TIPRL: variants seen among roughly 807,000 people sequenced by gnomAD.
TIPRL encodes TOR signaling pathway regulator, also known as TIP41-like protein.
Under a neutral mutation model 32.3 loss-of-function variants are expected in TIPRL, and 10 were observed. The observed-to-expected ratio is 0.31, with a 90% confidence interval of 0.19 to 0.52. The LOEUF (loss-of-function observed/expected upper bound fraction) is 0.52, where lower values mean the gene tolerates loss of function less well. Among genes scored for constraint, TIPRL ranks in the 20% least tolerant of loss-of-function variants. The pLI is 0.96. For synonymous variants in TIPRL, 100 were observed against 114.0 expected (o/e 0.88, Z 0.78); for missense variants, 250 against 328.1 (o/e 0.76, Z 1.84).
At position 168,201,173 on chromosome 1, in the gene TIPRL, A is replaced by C. The variant is rs1382996782; in HGVS notation, c.*1127A>C. 3.9e-5 allele frequency: 6 copies of C among 152,138 alleles called. No individual in the cohort carries two copies. Among genetic ancestry groups the C allele is most frequent in the Non-Finnish European group, 7.4e-5 (5 of 67,998 alleles). The allele number at this position is 152,138 out of a possible 1,614,324, so 9.4% of individuals were successfully genotyped here. On this transcript the variant is annotated 3_prime_UTR_variant, in exon 7 of 7. Transcript: ENST00000367833. ...CCTTTCTAGAAAAATGGTTGTCATAAAGTGGAAAGTGATTAAAAAGCATCA... is the reference window on the plus strand; with the variant it reads ...CCTTTCTAGAAAAATGGTTGTCATACAGTGGAAAGTGATTAAAAAGCATCA...
chr1:168,189,503 G>A (rs1029686636), intron 3 of TIPRL, among the ~76,000 whole-genome samples: 5 of 152,032 alleles, frequency 3.3e-5, no homozygotes, highest in African/African-American at 9.7e-5. Flanking sequence ...CTGCCACCAC[G>A]ATCAGCTAGT....
intron 4 of TIPRL, among the ~76,000 whole-genome samples, chr1:168,193,870 A>G (rs956513508): frequency 6.6e-6 from 1 of 152,220 alleles, no homozygotes; most frequent in African/African-American, 2.4e-5. Context: ...TTAGAATAAA[A>G]TATATTTTAA....
intron 1 of TIPRL, among the ~76,000 whole-genome samples, chr1:168,179,668 T>A (rs916352698): frequency 6.6e-6 from 1 of 152,150 alleles, no homozygotes; most frequent in Non-Finnish European, 1.5e-5. Context: ...ATAAATGTAA[T>A]GAAGATGTAT....
Position 168,183,965 on chromosome 1 carries a change from A to G in TIPRL, c.168A>G (p.Arg56=). 6.2e-7 allele frequency: 1 copy of G among 1,614,138 alleles called. No homozygotes were observed. The highest frequency in any genetic ancestry group is 8.5e-7 in the Non-Finnish European group (1 of 1,180,002). Residue 56 remains arginine, a synonymous_variant, in exon 2 of 7, where the codon AGA becomes AGG. Transcript: ENST00000367833. ...PEMMFGDNVL[R]IQHGSGFGIE... The stretch of plus-strand genomic sequence containing the variant: ...TGATGTTTGGAGACAACGTTTTAAG[A>G]ATCCAGCATGGGTCTGGCTTTGGAA...
chr1:168,194,751 A>G (rs1029068184), intron 4 of TIPRL, among the ~76,000 whole-genome samples: 1 of 152,198 alleles, frequency 6.6e-6, no homozygotes, highest in African/African-American at 2.4e-5. Context: ...CAGCAAAGGT[A>G]TTAATACCTT....
intron 1 of TIPRL, among the ~76,000 whole-genome samples, chr1:168,183,074 A>G (rs1699987060): frequency 6.6e-6 from 1 of 152,160 alleles, no homozygotes; most frequent in African/African-American, 2.4e-5. Flanking sequence ...TAAATATACA[A>G]TGTGTGTCCA....
chr1:168,199,868 A>G, intron 6 of TIPRL, 35 bp from the exon 7 acceptor site: 1 of 1,581,240 alleles, frequency 6.3e-7, no homozygotes, highest in Non-Finnish European at 8.6e-7. Flanking sequence ...CAGTACAGTA[A>G]CTGAATATGC....
At chr1:168,183,703 C>T (rs1310937011) in intron 1 of TIPRL, among the ~76,000 whole-genome samples, 199 bp from the exon 2 acceptor site, 2 of 152,084 alleles carry the variant, frequency 1.3e-5, no homozygotes, top group Non-Finnish European at 2.9e-5. Flanking sequence ...ATTTAGCCCA[C>T]TACTTAGTAC....
chr1:168,186,856 A>G (rs1371313340), intron 3 of TIPRL, among the ~76,000 whole-genome samples: 1 of 152,208 alleles, frequency 6.6e-6, no homozygotes, highest in Non-Finnish European at 1.5e-5. Context: ...CTGATATCAT[A>G]TGTTGGTGCT....
Position 168,199,831 on chromosome 1 carries a change from T to C in TIPRL, c.676-72T>C, listed in dbSNP as rs1294730568. ...TAAAATTTCCATGCTTTATGAATGCTTGAACCAAAACATTTGTAAAAAATT... is the reference window on the plus strand; with the variant it reads ...TAAAATTTCCATGCTTTATGAATGCCTGAACCAAAACATTTGTAAAAAATT... On this transcript the variant is annotated intron_variant, in intron 6 of 6. Transcript: ENST00000367833. The C allele has an allele frequency of 2.6e-6, 4 of 1,518,296 alleles. No individual in the cohort carries two copies. The African/African-American group carries it at 4.2e-5, about 16-fold the overall frequency. 94.1% of individuals were successfully genotyped at this position (1,518,296 alleles called of 1,614,324 possible).
chr1:168,179,884 G>T (rs964850918), intron 1 of TIPRL, among the ~76,000 whole-genome samples: 1 of 152,052 alleles, frequency 6.6e-6, no homozygotes, highest in Non-Finnish European at 1.5e-5. Flanking sequence ...AAAGCTGGGG[G>T]CTCAGGGAGA....
chr1:168,200,171 A>G lies in TIPRL; in HGVS notation c.*125A>G, dbSNP rs976084309. ...ACAGATTTTCTGTAGCCTTAAAGGA[A>G]AAAAAAATAAAGATCGTTACAGGCA... is the stretch of plus-strand genomic sequence containing the variant. On this transcript the variant is annotated 3_prime_UTR_variant, in exon 7 of 7. Transcript: ENST00000367833. 2.2e-5 allele frequency: 23 copies of G among 1,050,298 alleles called. No individual in the cohort carries two copies. The highest frequency in any genetic ancestry group is 2.9e-5 in the Non-Finnish European group (22 of 758,854). The allele number at this position is 1,050,298 out of a possible 1,614,324, so 65.1% of individuals were successfully genotyped here.
chr1:168,194,479 G>A (rs1205996598), intron 4 of TIPRL, among the ~76,000 whole-genome samples: 1 of 152,202 alleles, frequency 6.6e-6, no homozygotes, highest in Non-Finnish European at 1.5e-5. Flanking sequence ...TGATATTTCA[G>A]TTTACTGCCT....
At chr1:168,184,316 T>C (rs186134217) in intron 2 of TIPRL, among the ~76,000 whole-genome samples, 5 of 152,358 alleles carry the variant, frequency 3.3e-5, no homozygotes, top group East Asian at 1.9e-4. Flanking sequence ...AGCTGAGCTA[T>C]GTACGTTTTC....
At chr1:168,193,591 G>C (rs371266125) in intron 4 of TIPRL, among the ~76,000 whole-genome samples, 1 of 152,100 alleles carries the variant, frequency 6.6e-6, no homozygotes, top group African/African-American at 2.4e-5. Flanking sequence ...ATCCAAGGGG[G>C]TATATATATC....
chr1:168,199,112 T>A, intron 6 of TIPRL, 131 bp downstream of exon 6: 1 of 634,824 alleles, frequency 1.6e-6, no homozygotes, highest in South Asian at 2.2e-5. Context: ...TGGGGCTCTA[T>A]AGGATAAATT....
In TIPRL at chr1:168,179,860, CAG is replaced by C. The variant is rs558115185; in HGVS notation, c.104+680_104+681del. ...GAATCTTGACAAAATTTAGGGGAAT[CAG>C]GGGACGCATGTAAAGCTGGGGGCTC... On this transcript the variant is annotated intron_variant, in intron 1 of 6. Coordinates refer to ENST00000367833, the MANE Select transcript of TIPRL (RefSeq NM_152902.5). Among the ~76,000 whole-genome samples the C allele has an allele frequency of 1.3e-4, 20 of 151,968 alleles. No individual in the cohort carries two copies. The South Asian group carries it at 1.5e-3, about 11-fold the overall frequency.
At position 168,191,506 on chromosome 1, in the gene TIPRL, T is replaced by TA; in HGVS notation, c.516+7dup. 6.8e-7 allele frequency: 1 copy of TA among 1,471,904 alleles called. No homozygotes were observed. Among genetic ancestry groups the TA allele is most frequent in the Non-Finnish European group, 9.0e-7 (1 of 1,115,580 alleles). The allele number at this position is 1,471,904 out of a possible 1,614,324, so 91.2% of individuals were successfully genotyped here. On this transcript the variant is annotated splice_region_variant and intron_variant, in intron 4 of 6. Transcript: ENST00000367833. ...CAAGCCTGAGTGTGAAGATTGTGAG[T>TA]ATTATTTTTATTTAAAATTAATATT... is the stretch of plus-strand genomic sequence containing the variant.
At chr1:168,188,508 T>G (rs1475900149) in intron 3 of TIPRL, among the ~76,000 whole-genome samples, 1 of 152,212 alleles carries the variant, frequency 6.6e-6, no homozygotes, top group Non-Finnish European at 1.5e-5. Context: ...GAAATTTGAA[T>G]TTCATGTAAT....
Sources: allele counts gnomAD v4.1 joint callset (sites outside exome capture counted in the v4.1 genomes callset), GRCh38; gene constraint gnomAD v4.1.1; transcripts MANE v1.5; gene names NCBI Gene and HGNC (gene_info 2026-07-23, HGNC 2026-07-21).